Variants in RBMS3 observed in about 807,000 individuals in gnomAD.
The protein encoded by RBMS3 is RNA-binding motif, single-stranded-interacting protein 3.
Under a neutral mutation model 66.8 loss-of-function variants are expected in RBMS3, and 27 were observed. The ratio of observed to expected loss-of-function variants is 0.40; its 90% CI spans 0.30 to 0.56. RBMS3 has a LOEUF of 0.56. Among genes scored for constraint, RBMS3 ranks in the 20% least tolerant of loss-of-function variants. The pLI, the probability that RBMS3 is intolerant of heterozygous loss-of-function variation, is 0.40. For missense variants in RBMS3, 513 were observed against 549.5 expected, an observed-to-expected ratio of 0.93 and a Z score of 0.66; for synonymous variants, 188 against 183.0, an observed-to-expected ratio of 1.03 and a Z score of -0.22.
chr3:29,782,861 GGA>G (rs2056686268), intron 6 of RBMS3, among the ~76,000 whole-genome samples: 2 of 151,974 alleles, frequency 1.3e-5, no homozygotes, highest in African/African-American at 4.8e-5. Flanking sequence ...TGGAAATCAA[GGA>G]CACACTTAGA....
At chr3:29,537,895 A>G (rs1283790700) in intron 3 of RBMS3, among the ~76,000 whole-genome samples, 1 of 151,922 alleles carries the variant, frequency 6.6e-6, no homozygotes, top group African/African-American at 2.4e-5. Context: ...TTTCCATTTC[A>G]TCTTCACATT....
chr3:29,977,746 A>G (rs1697686837), intron 12 of RBMS3, among the ~76,000 whole-genome samples: 1 of 152,160 alleles, frequency 6.6e-6, no homozygotes, highest in African/African-American at 2.4e-5. Flanking sequence ...GCTGCTACTT[A>G]TAGCATTGGT....
chr3:29,857,158 T>A (rs1489774957), intron 6 of RBMS3, among the ~76,000 whole-genome samples: 1 of 152,176 alleles, frequency 6.6e-6, no homozygotes, highest in Non-Finnish European at 1.5e-5. Context: ...ACTAACTGAG[T>A]TCACTGCATC....
At chr3:29,517,325 T>TTG (rs1283730321) in intron 3 of RBMS3, among the ~76,000 whole-genome samples, 3 of 117,808 alleles carry the variant, frequency 2.5e-5, no homozygotes, top group Admixed American at 9.1e-5. Context: ...ATATATTTTT[T>TTG]TTTTGTTTTT....
At chr3:29,985,319 C>T (rs754670998) in intron 12 of RBMS3, among the ~76,000 whole-genome samples, 17 of 152,092 alleles carry the variant, frequency 1.1e-4, no homozygotes, top group Non-Finnish European at 2.2e-4. Context: ...TGCTGGGCTC[C>T]GTAGAGGTGG....
At chr3:29,675,325 A>G (rs552929512) in intron 4 of RBMS3, among the ~76,000 whole-genome samples, 2 of 152,362 alleles carry the variant, frequency 1.3e-5, no homozygotes, top group East Asian at 1.9e-4. Context: ...TAAAAATCCT[A>G]GAAGAAAACC....
chr3:29,985,225 C>T (rs1417876690), intron 12 of RBMS3, among the ~76,000 whole-genome samples: 86 of 152,304 alleles, frequency 5.6e-4, no homozygotes, highest in Non-Finnish European at 1.2e-4. Flanking sequence ...GCAGACACCC[C>T]TCCCCACACC....
intron 4 of RBMS3, among the ~76,000 whole-genome samples, chr3:29,667,861 T>G (rs1394853197): frequency 6.6e-6 from 1 of 152,136 alleles, no homozygotes; most frequent in Non-Finnish European, 1.5e-5. Flanking sequence ...AAAATCATAT[T>G]CATGTACAAT....
intron 1 of RBMS3, among the ~76,000 whole-genome samples, chr3:29,294,081 T>C (rs1050367393): frequency 1.3e-5 from 2 of 151,810 alleles, no homozygotes; most frequent in African/African-American, 4.8e-5. Context: ...TTTTGATCTC[T>C]GAATGCCCTG....
chr3:29,862,803 A>T (rs2059249386), intron 6 of RBMS3, among the ~76,000 whole-genome samples: 1 of 151,318 alleles, frequency 6.6e-6, no homozygotes, highest in South Asian at 2.1e-4. Flanking sequence ...GAGATCCAAG[A>T]TCAAGCCACT....
intron 3 of RBMS3, among the ~76,000 whole-genome samples, chr3:29,559,543 A>G (rs1397783997): frequency 1.4e-5 from 2 of 140,304 alleles, no homozygotes; most frequent in African/African-American, 5.4e-5. Context: ...AAAAAAAAAA[A>G]AAAAAAAAAA....
At chr3:29,380,236 ACG>A (rs1491402678) in intron 1 of RBMS3, among the ~76,000 whole-genome samples, 10 of 149,702 alleles carry the variant, frequency 6.7e-5, no homozygotes, top group African/African-American at 2.2e-4. Flanking sequence ...ACACACACAC[ACG>A]TACATCTATA....
intron 3 of RBMS3, among the ~76,000 whole-genome samples, chr3:29,506,906 T>C (rs2044202332): frequency 6.6e-6 from 1 of 151,864 alleles, no homozygotes; most frequent in Non-Finnish European, 1.5e-5. Flanking sequence ...CCTTTGTATT[T>C]TTGGTATCAG....
chr3:29,628,007 A>G (rs1429541444), intron 4 of RBMS3, among the ~76,000 whole-genome samples: 2 of 152,166 alleles, frequency 1.3e-5, no homozygotes, highest in Non-Finnish European at 2.9e-5. Context: ...TATTGTTTAT[A>G]TGGAAATCAA....
intron 3 of RBMS3, among the ~76,000 whole-genome samples, chr3:29,488,837 GAAAACTTCCCCATGC>G (rs2043421078): frequency 6.6e-6 from 1 of 152,122 alleles, no homozygotes; most frequent in South Asian, 2.1e-4. Context: ...GAACTCTGGG[GAAAACTTCCCCATGC>G]AAAACACATT....
intron 1 of RBMS3, among the ~76,000 whole-genome samples, chr3:29,367,542 T>C (rs2037975991): frequency 6.6e-6 from 1 of 152,162 alleles, no homozygotes; most frequent in Non-Finnish European, 1.5e-5. Flanking sequence ...TTGATATTTA[T>C]AATCAGAAAC....
intron 10 of RBMS3, among the ~76,000 whole-genome samples, chr3:29,908,038 G>A (rs1253637435): frequency 6.6e-6 from 1 of 151,894 alleles, no homozygotes; most frequent in Non-Finnish European, 1.5e-5. Context: ...GCTTGAACTC[G>A]GGAGTTTGAG....
chr3:29,801,272 C>CTTTTTTTCTTTTTTTTTTTTTTTTTT (rs553179866), intron 6 of RBMS3, among the ~76,000 whole-genome samples: 1 of 129,478 alleles, frequency 7.7e-6, no homozygotes, highest in Non-Finnish European at 1.6e-5. Context: ...TGCTTTTTTT[C>CTTTTTTTCTTTTTTTTTTTTTTTTTT]TTTTTTTTTT....
At chr3:29,621,635 G>T (rs1309841445) in intron 4 of RBMS3, among the ~76,000 whole-genome samples, 1 of 152,176 alleles carries the variant, frequency 6.6e-6, no homozygotes, top group Non-Finnish European at 1.5e-5. Flanking sequence ...TCTCCTGACA[G>T]CATAATACCA....
Sources: allele counts gnomAD v4.1 joint callset (sites outside exome capture counted in the v4.1 genomes callset), GRCh38; gene constraint gnomAD v4.1.1; transcripts MANE v1.5; gene names NCBI Gene and HGNC (gene_info 2026-07-23, HGNC 2026-07-21).